CD226: variants seen among roughly 807,000 people sequenced by gnomAD.
CD226 encodes the protein CD226 molecule.
Under a neutral mutation model 34.9 loss-of-function variants are expected in CD226, and 24 were observed. The ratio of observed to expected loss-of-function variants is 0.69; its 90% confidence interval spans 0.50 to 0.97. The LOEUF (loss-of-function observed/expected upper bound fraction) is 0.97. CD226 is among the 50% of genes least tolerant of loss of function. The probability of loss-of-function intolerance (pLI) is 0.00; values close to 1 mark genes in which losing one functional copy is unlikely to be tolerated. For missense variants in CD226, 397 were observed against 412.7 expected (o/e 0.96, Z 0.33); for synonymous variants, 148 against 147.4 (o/e 1.00, Z -0.03).
upstream of CD226, among the ~76,000 whole-genome samples, chr18:69,958,110 C>T (rs1418800059): frequency 6.6e-6 from 1 of 152,208 alleles, no homozygotes; most frequent in Non-Finnish European, 1.5e-5. Flanking sequence ...GGGCCCACAT[C>T]TGTCCTGTGA....
intron 3 of CD226, among the ~76,000 whole-genome samples, chr18:69,892,976 T>C (rs1984995974): frequency 6.6e-6 from 1 of 152,226 alleles, no homozygotes; most frequent in Non-Finnish European, 1.5e-5. Flanking sequence ...TCTGCTTTAA[T>C]CTCCACATTG....
intron 3 of CD226, among the ~76,000 whole-genome samples, chr18:69,892,398 A>T (rs1984956057): frequency 6.6e-6 from 1 of 152,214 alleles, no homozygotes; most frequent in South Asian, 2.1e-4. Flanking sequence ...GGCCAAAAAT[A>T]ACTGTAGTCA....
intron 3 of CD226, among the ~76,000 whole-genome samples, chr18:69,877,718 C>T (rs1032001979): frequency 2.6e-5 from 4 of 152,106 alleles, no homozygotes; most frequent in Middle Eastern, 3.2e-3. Context: ...AGCCAGGACC[C>T]GTGGATGAAA....
chr18:69,922,468 CCA>C (rs928629693), intron 2 of CD226, among the ~76,000 whole-genome samples: 6 of 152,036 alleles, frequency 3.9e-5, no homozygotes, highest in African/African-American at 1.4e-4. Context: ...TTCAATCGAG[CCA>C]CAGTCTCACT....
intron 4 of CD226, among the ~76,000 whole-genome samples, chr18:69,870,871 T>A (rs1599375322): frequency 6.6e-6 from 1 of 152,192 alleles, no homozygotes; most frequent in African/African-American, 2.4e-5. Flanking sequence ...AGCCCTTGGG[T>A]CATCTTTCGA....
At chr18:69,941,299 C>G (rs1004871900) in intron 2 of CD226, among the ~76,000 whole-genome samples, 2 of 152,206 alleles carry the variant, frequency 1.3e-5, no homozygotes, top group Non-Finnish European at 2.9e-5. Flanking sequence ...AAGAGGGCCA[C>G]CATCCTTCAG....
At chr18:69,867,471 C>T (rs774577509) in intron 4 of CD226, 60 bp from the exon 5 acceptor site, 298 of 1,095,898 alleles carry the variant, frequency 2.7e-4, no homozygotes, top group Non-Finnish European at 3.9e-4. Context: ...AATATTATTT[C>T]GAAGACTCTA....
rs1454251203 is a variant in CD226 at position 69,858,057 on chromosome 18, G to A, written c.*6257C>T. 6.6e-6 allele frequency: 1 copy of A among 152,172 alleles called. No individual in the cohort carries two copies. Among genetic ancestry groups the A allele is most frequent in the African/African-American group, 2.4e-5 (1 of 41,448 alleles). 9.4% of individuals were successfully genotyped at this position (152,172 alleles called of 1,614,324 possible). ...AAATATGCAATGTATACATGCGGATGATTAGTAAACCCTAATATCCAAATG... is the reference window on the plus strand; with the variant it reads ...AAATATGCAATGTATACATGCGGATAATTAGTAAACCCTAATATCCAAATG... On this transcript the variant is annotated 3_prime_UTR_variant, in exon 6 of 6. Transcript: ENST00000582621.
chr18:69,899,225 C>T (rs1985471167), intron 2 of CD226, among the ~76,000 whole-genome samples: 1 of 152,192 alleles, frequency 6.6e-6, no homozygotes, highest in African/African-American at 2.4e-5. Flanking sequence ...TCACATCATG[C>T]CACTGCCCCT....
At chr18:69,883,393 AC>A (rs1984377745) in intron 3 of CD226, among the ~76,000 whole-genome samples, 1 of 152,216 alleles carries the variant, frequency 6.6e-6, no homozygotes, top group Non-Finnish European at 1.5e-5. Context: ...ATTCAAACAA[AC>A]AAACATACAA....
intron 3 of CD226, among the ~76,000 whole-genome samples, chr18:69,885,800 T>C (rs966320113): frequency 1.3e-5 from 2 of 152,042 alleles, no homozygotes; most frequent in Non-Finnish European, 2.9e-5. Context: ...CTGCCTCACG[T>C]GACTCCATGA....
intron 2 of CD226, among the ~76,000 whole-genome samples, chr18:69,908,783 C>G (rs2055287601): frequency 6.6e-6 from 1 of 152,234 alleles, no homozygotes; most frequent in Admixed American, 6.5e-5. Context: ...GCCTTTGTCT[C>G]CATTCTCATC....
At position 69,924,790 on chromosome 18, in the gene CD226, A is replaced by G. The variant is rs144501506; in HGVS notation, c.382+21944T>C. 4.7e-3 allele frequency among the ~76,000 whole-genome samples: 710 copies of G among 151,616 alleles called. 3 individuals carry two copies. Among genetic ancestry groups the G allele is most frequent in the Middle Eastern group, 0.027 (8 of 292 alleles). ...GAGGCCCAAAGAGTGTTTGAAAACT[A>G]TCTCACATAGCACTCCAAAGTAAAT... is the stretch of plus-strand genomic sequence containing the variant. On this transcript the variant is annotated intron_variant, in intron 2 of 5. Transcript: ENST00000582621.
chr18:69,935,548 G>A (rs1293482978), intron 2 of CD226, among the ~76,000 whole-genome samples: 2 of 152,190 alleles, frequency 1.3e-5, no homozygotes, highest in Non-Finnish European at 2.9e-5. Flanking sequence ...CAGTCCCCAC[G>A]CTGCATTGGC....
chr18:69,938,123 G>A (rs912822433), intron 2 of CD226, among the ~76,000 whole-genome samples: 4 of 152,174 alleles, frequency 2.6e-5, no homozygotes, highest in African/African-American at 9.6e-5. Context: ...TGCCCAGTTT[G>A]AGATAAATGG....
chr18:69,928,213 A>G (rs4891381), intron 2 of CD226, among the ~76,000 whole-genome samples: 116,176 of 152,182 alleles, frequency 0.76, 51,522 homozygotes, highest in East Asian at 1. Context: ...ATTCTACTTA[A>G]TTACATATGG....
intron 2 of CD226, among the ~76,000 whole-genome samples, chr18:69,930,715 T>A (rs2055578697): frequency 6.6e-6 from 1 of 152,174 alleles, no homozygotes; most frequent in African/African-American, 2.4e-5. Flanking sequence ...CCCAGGTGAA[T>A]AAGGGAAAGA....
intron 2 of CD226, among the ~76,000 whole-genome samples, chr18:69,897,812 C>T (rs866190087): frequency 6.6e-6 from 1 of 152,280 alleles, no homozygotes; most frequent in Middle Eastern, 3.4e-3. Context: ...AATATCATGG[C>T]TACGATAGTT....
intron 2 of CD226, among the ~76,000 whole-genome samples, chr18:69,913,183 C>T (rs2055346382): frequency 6.6e-6 from 1 of 152,172 alleles, no homozygotes. Context: ...CCCGTCTCCA[C>T]ACCCTCACCT....
Sources: gnomAD v4.1 joint callset for allele counts (sites outside exome capture counted in the v4.1 genomes callset) on GRCh38, gnomAD v4.1.1 for gene constraint, MANE v1.5 for transcripts, NCBI Gene and HGNC (gene_info 2026-07-23, HGNC 2026-07-21) for gene names.